Variants in VEPH1 observed in about 807,000 individuals in gnomAD.
VEPH1 encodes ventricular zone-expressed PH domain-containing protein homolog 1.
In VEPH1, 80 loss-of-function variants were observed where a neutral mutation model predicts 85.2. The ratio of observed to expected loss-of-function variants is 0.94; its 90% CI spans 0.78 to 1.13. The LOEUF is 1.13. VEPH1 is among the 50% of genes most tolerant of loss of function. The pLI is 0.00. For missense variants in VEPH1, 955 were observed against 980.5 expected (o/e 0.97, Z 0.35); for synonymous variants, 297 against 348.0 (o/e 0.85, Z 1.63).
intron 9 of VEPH1, among the ~76,000 whole-genome samples, chr3:157,329,513 T>C (rs1559963997): frequency 1.3e-5 from 2 of 152,252 alleles, no homozygotes; most frequent in Admixed American, 6.5e-5. Context: ...TAGTTTCATT[T>C]ATTGCTTCTT....
At chr3:157,344,754 C>T (rs1724005748) in intron 9 of VEPH1, among the ~76,000 whole-genome samples, 7 of 152,180 alleles carry the variant, frequency 4.6e-5, no homozygotes, top group Admixed American at 4.6e-4. Context: ...CTGGAGGCAT[C>T]ACGCTACCTG....
At chr3:157,472,889 A>G (rs1171750054) in intron 2 of VEPH1, among the ~76,000 whole-genome samples, 1 of 151,936 alleles carries the variant, frequency 6.6e-6, no homozygotes, top group Admixed American at 6.6e-5. Context: ...CTGTATATAT[A>G]CCATATTTTC....
At chr3:157,341,489 GAAAC>G (rs1247920850) in intron 9 of VEPH1, among the ~76,000 whole-genome samples, 1 of 152,148 alleles carries the variant, frequency 6.6e-6, no homozygotes, top group Non-Finnish European at 1.5e-5. Context: ...AGGGTAAAAA[GAAAC>G]AAACAAAGCC....
Position 157,442,925 on chromosome 3 carries a change from T to G in VEPH1, c.530-14437A>C, listed in dbSNP as rs188649697. The G allele has an allele frequency of 5.1e-5, 83 of 1,614,038 alleles. No individual in the cohort carries two copies. The East Asian group carries it at 1.8e-3, about 36-fold the overall frequency. On this transcript the variant is annotated intron_variant, in intron 4 of 13. Transcript: ENST00000362010. Reference sequence around the variant, plus strand: ...CTTGTCACATCCGGGGGAATATTGTTGGGTGGGGAGTCACAGAGATCCAGC... The same window carrying G: ...CTTGTCACATCCGGGGGAATATTGTGGGGTGGGGAGTCACAGAGATCCAGC...
chr3:157,266,164 A>G (rs1713614156), intron 12 of VEPH1, among the ~76,000 whole-genome samples: 1 of 150,744 alleles, frequency 6.6e-6, no homozygotes, highest in African/African-American at 2.4e-5. Context: ...CATAAACCCA[A>G]GTATATTTAG....
At chr3:157,288,086 A>C (rs973207882) in intron 11 of VEPH1, among the ~76,000 whole-genome samples, 3 of 152,200 alleles carry the variant, frequency 2.0e-5, no homozygotes, top group Non-Finnish European at 4.4e-5. Context: ...CAAATTAAAT[A>C]GCTCTACTGT....
chr3:157,470,112 C>G (rs1260659948), intron 3 of VEPH1, among the ~76,000 whole-genome samples: 1 of 152,190 alleles, frequency 6.6e-6, no homozygotes, highest in African/African-American at 2.4e-5. Flanking sequence ...GAATTCCCTA[C>G]AGTGTGTCTT....
At chr3:157,382,377 G>C (rs569471031) in intron 6 of VEPH1, among the ~76,000 whole-genome samples, 1 of 152,206 alleles carries the variant, frequency 6.6e-6, no homozygotes, top group Admixed American at 6.5e-5. Flanking sequence ...GCCATATTTT[G>C]AGGCAACATG....
chr3:157,368,074 T>C (rs1364302886), intron 7 of VEPH1, among the ~76,000 whole-genome samples: 1 of 152,234 alleles, frequency 6.6e-6, no homozygotes, highest in African/African-American at 2.4e-5. Context: ...TCACCATCTA[T>C]AAAATGCAGA....
At chr3:157,499,145 T>A (rs1739899049) in intron 1 of VEPH1, among the ~76,000 whole-genome samples, 1 of 152,190 alleles carries the variant, frequency 6.6e-6, no homozygotes, top group Non-Finnish European at 1.5e-5. Flanking sequence ...GTATGATTTT[T>A]AAAAGCTGGC....
rs181369026 is a variant in VEPH1 at position 157,359,556 on chromosome 3, C to T, written c.1735+3808G>A. 4.6e-5 allele frequency among the ~76,000 whole-genome samples: 7 copies of T among 152,244 alleles called. No individual in the cohort carries two copies. In the East Asian group the frequency reaches 1.4e-3, roughly 29 times the overall value. ...AGACCTGGGGTTTGACATTTTTTTCCAGACACAGTGATAGATTCTTACTGA... is the reference window on the plus strand; with the variant it reads ...AGACCTGGGGTTTGACATTTTTTTCTAGACACAGTGATAGATTCTTACTGA... On this transcript the variant is annotated intron_variant, in intron 9 of 13. Coordinates refer to ENST00000362010, the MANE Select transcript of VEPH1 (RefSeq NM_001167912.2).
chr3:157,430,352 T>C (rs1733046312), intron 4 of VEPH1, among the ~76,000 whole-genome samples: 1 of 152,230 alleles, frequency 6.6e-6, no homozygotes, highest in African/African-American at 2.4e-5. Flanking sequence ...GCAACATATT[T>C]TTTTCCTATT....
chr3:157,442,875 A>T, intron 4 of VEPH1: 3 of 1,614,198 alleles, frequency 1.9e-6, no homozygotes, highest in African/African-American at 1.3e-5. Flanking sequence ...CAATGAAGAG[A>T]TAAGAGAGAC....
chr3:157,345,730 C>T (rs974252406), intron 9 of VEPH1, among the ~76,000 whole-genome samples: 5 of 152,108 alleles, frequency 3.3e-5, no homozygotes, highest in Non-Finnish European at 7.4e-5. Context: ...CACATGCACA[C>T]GTATGTTCAT....
Position 157,261,041 on chromosome 3 carries a change from A to G in VEPH1, c.*93T>C. 1 of 1,525,144 alleles carries G rather than the reference A, an allele frequency of 6.6e-7. No homozygotes were observed. Among genetic ancestry groups the G allele is most frequent in the Non-Finnish European group, 8.8e-7 (1 of 1,132,240 alleles). The allele number at this position is 1,525,144 out of a possible 1,614,324, so 94.5% of individuals were successfully genotyped here. On this transcript the variant is annotated 3_prime_UTR_variant, in exon 14 of 14. Coordinates refer to ENST00000362010, the MANE Select transcript of VEPH1 (RefSeq NM_001167912.2). Reference sequence around the variant, plus strand: ...TTCCATTGGTATTTAGTAAAAAACAACATGGCTTGGTAAATTTAGCTCTTT... The same window carrying G: ...TTCCATTGGTATTTAGTAAAAAACAGCATGGCTTGGTAAATTTAGCTCTTT...
intron 13 of VEPH1, among the ~76,000 whole-genome samples, chr3:157,261,680 C>T (rs1021659583): frequency 7.2e-5 from 11 of 152,162 alleles, no homozygotes; most frequent in East Asian, 1.9e-4. Flanking sequence ...CAAGGTGCAA[C>T]GGTACAATTT....
At chr3:157,497,697 AC>A in intron 1 of VEPH1, among the ~76,000 whole-genome samples, 1 of 152,078 alleles carries the variant, frequency 6.6e-6, no homozygotes, top group East Asian at 1.9e-4. Context: ...ACAGAGGAGC[AC>A]CCCCAGGCTT....
intron 9 of VEPH1, among the ~76,000 whole-genome samples, chr3:157,356,574 AC>A (rs1178565246): frequency 3.3e-5 from 5 of 152,012 alleles, no homozygotes. Context: ...ACCCTCCTCC[AC>A]CCCCACCTTT....
At position 157,405,346 on chromosome 3, in the gene VEPH1, G is replaced by C. The variant is rs144180484; in HGVS notation, c.906+8535C>G. ...TACATTTGCAAGTATTTTGGGAACT[G>C]TTTGTCCTTTCGCCAGCTCTTTAGT... On this transcript the variant is annotated intron_variant, in intron 6 of 13. Coordinates refer to ENST00000362010, the MANE Select transcript of VEPH1 (RefSeq NM_001167912.2). Among the ~76,000 whole-genome samples, 988 of 152,218 alleles carry C rather than the reference G, an allele frequency of 6.5e-3. 12 individuals carry two copies. Among genetic ancestry groups the C allele is most frequent in the African/African-American group, 0.022 (924 of 41,530 alleles).
Sources: allele counts gnomAD v4.1 joint callset (sites outside exome capture counted in the v4.1 genomes callset), GRCh38; gene constraint gnomAD v4.1.1; transcripts MANE v1.5; gene names NCBI Gene and HGNC (gene_info 2026-07-23, HGNC 2026-07-21).